Variants in TUFT1 observed in about 807,000 individuals in gnomAD.
The protein encoded by TUFT1 is tuftelin 1, also known as tuftelin.
In TUFT1, 43 loss-of-function variants were observed where a neutral mutation model predicts 57.8. That is an observed-to-expected ratio of 0.74 (90% CI 0.58 to 0.96). TUFT1 has a LOEUF of 0.96. TUFT1 is among the 40% of genes least tolerant of loss of function. The pLI is 0.00. For synonymous variants in TUFT1, 166 were observed against 176.7 expected, an observed-to-expected ratio of 0.94 and a Z score of 0.48; for missense variants, 459 against 489.0, an observed-to-expected ratio of 0.94 and a Z score of 0.58.
At position 151,582,504 on chromosome 1, in the gene TUFT1, C is replaced by G. The variant is rs1237451986; in HGVS notation, c.*797C>G. The stretch of plus-strand genomic sequence containing the variant: ...GAAAACTGTTTTCACTGGGTTCCAC[C>G]AGTCCCAGCAAAATCCTCTTTGTAT... On this transcript the variant is annotated 3_prime_UTR_variant, in exon 13 of 13. Transcript: ENST00000368849. The G allele has an allele frequency of 4.1e-6, 1 of 241,258 alleles. No homozygotes were observed. The highest frequency in any genetic ancestry group is 2.3e-5 in the African/African-American group (1 of 44,252). The allele number at this position is 241,258 out of a possible 1,614,324, so 14.9% of individuals were successfully genotyped here.
chr1:151,543,513 C>G (rs190814489), intron 1 of TUFT1, among the ~76,000 whole-genome samples: 1 of 152,000 alleles, frequency 6.6e-6, no homozygotes, highest in East Asian at 1.9e-4. Context: ...CATTAACTTC[C>G]TTTGGTTATA....
At chr1:151,554,697 T>C (rs938495252) in intron 1 of TUFT1, among the ~76,000 whole-genome samples, 29,624 of 101,636 alleles carry the variant, frequency 0.29, 5,579 homozygotes, top group East Asian at 0.59. Context: ...CCGGCCCCCT[T>C]TTTTTTTTTT....
rs772290511 is a variant in TUFT1 at position 151,582,233 on chromosome 1, A to G, written c.*526A>G. 1 of 456,026 alleles carries G rather than the reference A, an allele frequency of 2.2e-6. No homozygotes were observed. The highest frequency in any genetic ancestry group is 1.5e-5 in the South Asian group (1 of 64,548). 28.2% of individuals were successfully genotyped at this position (456,026 alleles called of 1,614,324 possible). A position where few individuals can be genotyped will look rare whatever the true frequency, so the allele number is the denominator to read the frequency against. ...CCTACGCTGCCCTGGCCTCCTGCAG[A>G]CAGATAGTGGGGTTACCTGGCAAGG... is the stretch of plus-strand genomic sequence containing the variant. On this transcript the variant is annotated 3_prime_UTR_variant, in exon 13 of 13. Coordinates refer to ENST00000368849, the MANE Select transcript of TUFT1 (RefSeq NM_020127.3).
Position 151,540,325 on chromosome 1 carries a change from CGGGGTGGACAAGT to C in TUFT1, c.-39_-27del. 6.2e-7 allele frequency: 1 copy of C among 1,613,172 alleles called. No homozygotes were observed. The highest frequency in any genetic ancestry group is 1.7e-5 in the Admixed American group (1 of 59,990). The stretch of plus-strand genomic sequence containing the variant: ...CGCCCGCCCAGTTGGAGCCAGACAG[CGGGGTGGACAAGT>C]GGCGTGTGTGCTGCGACCCCGAGGG... On this transcript the variant is annotated 5_prime_UTR_variant, in exon 1 of 13. Coordinates refer to ENST00000368849, the MANE Select transcript of TUFT1 (RefSeq NM_020127.3).
chr1:151,541,802 A>AAAT (rs1665177030), intron 1 of TUFT1, among the ~76,000 whole-genome samples: 1 of 152,186 alleles, frequency 6.6e-6, no homozygotes, highest in East Asian at 1.9e-4. Flanking sequence ...GAGATGGAAG[A>AAAT]AATCTATCCA....
chr1:151,564,026 C>T (rs1378312354), intron 4 of TUFT1, 36 bp downstream of exon 4: 2 of 1,510,098 alleles, frequency 1.3e-6, no homozygotes, highest in Admixed American at 1.9e-5. Context: ...GTGCCTAGGT[C>T]ATTTCTCTAA....
intron 9 of TUFT1, among the ~76,000 whole-genome samples, chr1:151,576,965 G>A (rs1393691774): frequency 1.3e-5 from 2 of 151,906 alleles, no homozygotes; most frequent in Admixed American, 1.3e-4. Context: ...ATTGACACAG[G>A]GTCTTGCCAT....
At chr1:151,560,998 G>A (rs1289252463) in intron 1 of TUFT1, among the ~76,000 whole-genome samples, 1 of 141,364 alleles carries the variant, frequency 7.1e-6, no homozygotes, top group Non-Finnish European at 1.6e-5. Flanking sequence ...GTGTGTGTGT[G>A]TGTGTGAGTG....
intron 4 of TUFT1, among the ~76,000 whole-genome samples, 189 bp downstream of exon 4, chr1:151,564,179 T>C (rs563890843): frequency 6.6e-6 from 1 of 152,282 alleles, no homozygotes; most frequent in African/African-American, 2.4e-5. Context: ...AATCCACAAA[T>C]ACTTAAGTAC....
At chr1:151,547,302 T>C (rs1665370811) in intron 1 of TUFT1, among the ~76,000 whole-genome samples, 1 of 152,182 alleles carries the variant, frequency 6.6e-6, no homozygotes, top group Non-Finnish European at 1.5e-5. Flanking sequence ...CATTTGCCCA[T>C]AGTTCTCCAG....
intron 1 of TUFT1, among the ~76,000 whole-genome samples, chr1:151,560,871 G>A (rs1230232275): frequency 6.6e-6 from 1 of 151,888 alleles, no homozygotes; most frequent in African/African-American, 2.4e-5. Context: ...TTCTCTCAAC[G>A]TTATCATCTT....
At chr1:151,556,225 A>C (rs1665693550) in intron 1 of TUFT1, among the ~76,000 whole-genome samples, 2 of 152,314 alleles carry the variant, frequency 1.3e-5, no homozygotes, top group South Asian at 4.1e-4. Flanking sequence ...GATGTGCCAC[A>C]GTTTGTTTAA....
In TUFT1 at chr1:151,581,956, A is replaced by G. The variant is rs114877294; in HGVS notation, c.*249A>G. ...TCCTGCAAGCAGGAGCCAGGGCAAT[A>G]TCTATATTCCTACAGTGACTATTTT... is the stretch of plus-strand genomic sequence containing the variant. On this transcript the variant is annotated 3_prime_UTR_variant, in exon 13 of 13. Coordinates refer to ENST00000368849, the MANE Select transcript of TUFT1 (RefSeq NM_020127.3). 1.6e-3 allele frequency: 957 copies of G among 609,252 alleles called. 8 individuals carry two copies. In the African/African-American group the frequency reaches 0.016, roughly 10 times the overall value. The allele number at this position is 609,252 out of a possible 1,614,324, so 37.7% of individuals were successfully genotyped here. A position where few individuals can be genotyped will look rare whatever the true frequency, so the allele number is the denominator to read the frequency against.
intron 1 of TUFT1, among the ~76,000 whole-genome samples, chr1:151,555,314 A>AGG (rs1412875193): frequency 6.8e-6 from 1 of 146,394 alleles, no homozygotes; most frequent in African/African-American, 2.5e-5. Context: ...GGGTAACAGA[A>AGG]TGAGACTCCC....
chr1:151,558,767 G>A (rs917988188), intron 1 of TUFT1, among the ~76,000 whole-genome samples: 7 of 151,618 alleles, frequency 4.6e-5, no homozygotes, highest in Admixed American at 4.6e-4. Context: ...AGAACACTAT[G>A]GGGAGATAGT....
chr1:151,574,857 C>A (rs1558014494), intron 8 of TUFT1, 54 bp from the exon 9 acceptor site: 2 of 1,476,170 alleles, frequency 1.4e-6, no homozygotes, highest in African/African-American at 1.4e-5. Context: ...TTAGCCCAAA[C>A]GCAGAAACTG....
chr1:151,552,808 A>G (rs1402210617), intron 1 of TUFT1, among the ~76,000 whole-genome samples: 1 of 151,704 alleles, frequency 6.6e-6, no homozygotes, highest in Admixed American at 6.6e-5. Context: ...TATACAGAGG[A>G]AAACGTCCAT....
chr1:151,557,663 AG>A, intron 1 of TUFT1: 1 of 926,524 alleles, frequency 1.1e-6, no homozygotes, highest in Non-Finnish European at 1.8e-6. Flanking sequence ...GTTACCAATG[AG>A]GGCATCCAGT....
intron 1 of TUFT1, among the ~76,000 whole-genome samples, chr1:151,556,838 G>A (rs7533075): frequency 0.017 from 2,661 of 152,228 alleles, 91 homozygotes; most frequent in African/African-American, 0.061. Context: ...GCATTGTCAC[G>A]GGAGCTTGTA....
Sources: allele counts gnomAD v4.1 joint callset (sites outside exome capture counted in the v4.1 genomes callset), GRCh38; gene constraint gnomAD v4.1.1; transcripts MANE v1.5; gene names NCBI Gene and HGNC (gene_info 2026-07-23, HGNC 2026-07-21).